STK32B: variants seen among roughly 807,000 people sequenced by gnomAD.
The protein encoded by STK32B is serine/threonine kinase 32B.
In STK32B, 43 loss-of-function variants were observed where a neutral mutation model predicts 52.6. The ratio of observed to expected loss-of-function variants is 0.82; its 90% CI spans 0.64 to 1.05. STK32B has a LOEUF of 1.05. Among genes scored for constraint, STK32B ranks in the 50% least tolerant of loss-of-function variants. The pLI, the probability that STK32B is intolerant of heterozygous loss-of-function variation, is 0.00. For missense variants in STK32B, 621 were observed against 534.6 expected (o/e 1.16, Z -1.59); for synonymous variants, 238 against 204.3 (o/e 1.17, Z -1.41).
At chr4:5,496,923 CA>C in intron 11 of STK32B, among the ~76,000 whole-genome samples, 1 of 151,806 alleles carries the variant, frequency 6.6e-6, no homozygotes, top group South Asian at 2.1e-4. Flanking sequence ...AAGTTTTGAA[CA>C]AAGAGGGTTT....
intron 4 of STK32B, among the ~76,000 whole-genome samples, chr4:5,369,266 CA>C (rs979400310): frequency 2.0e-5 from 3 of 151,822 alleles, no homozygotes; most frequent in African/African-American, 7.3e-5. Context: ...CTGGTTCCCC[CA>C]AAGATTTCAC....
intron 2 of STK32B, among the ~76,000 whole-genome samples, chr4:5,157,152 C>A (rs1717920198): frequency 6.6e-6 from 1 of 152,048 alleles, no homozygotes. Flanking sequence ...AAAATGTATT[C>A]TTTTAGAATC....
At position 5,245,317 on chromosome 4, in the gene STK32B, C is replaced by G. The variant is rs574104123; in HGVS notation, c.260+76867C>G. On this transcript the variant is annotated intron_variant, in intron 3 of 11. Transcript: ENST00000282908. ...TTAGTTCTTCGTGTTGAATTGATCC[C>G]TTTACCATTATGTAATGGCCTTCTT... is the stretch of plus-strand genomic sequence containing the variant. Among the ~76,000 whole-genome samples, 11 of 152,260 alleles carry G rather than the reference C, an allele frequency of 7.2e-5. No individual in the cohort carries two copies. In the South Asian group the frequency reaches 2.1e-3, roughly 29 times the overall value.
At position 5,396,943 on chromosome 4, in the gene STK32B, G is replaced by T. The variant is rs148033148; in HGVS notation, c.435-1264G>T. ...CTCTGCGGTAATCTCTTTGTTCACA[G>T]TGGAGGCTTTGTGACCTCGGCAGCA... On this transcript the variant is annotated intron_variant, in intron 4 of 11. Coordinates refer to ENST00000282908, the MANE Select transcript of STK32B (RefSeq NM_018401.3). This position sits in a 1 kb window ranked among gnomAD's most constrained non-coding sequence, Gnocchi z 4.7. 5.6e-4 allele frequency among the ~76,000 whole-genome samples: 85 copies of T among 152,292 alleles called. No individual in the cohort carries two copies. The highest frequency in any genetic ancestry group is 1.9e-3 in the African/African-American group (77 of 41,552).
At chr4:5,496,739 C>G (rs1241606644) in intron 11 of STK32B, among the ~76,000 whole-genome samples, 1 of 151,556 alleles carries the variant, frequency 6.6e-6, no homozygotes, top group Non-Finnish European at 1.5e-5. Flanking sequence ...CCTTGAAGAT[C>G]AAAATGTTGC....
intron 3 of STK32B, among the ~76,000 whole-genome samples, chr4:5,323,304 A>G (rs924130265): frequency 3.3e-5 from 5 of 151,886 alleles, no homozygotes; most frequent in Non-Finnish European, 5.9e-5. Flanking sequence ...GTCCCCCTCC[A>G]CCAGCCAGGC....
intron 3 of STK32B, among the ~76,000 whole-genome samples, chr4:5,216,893 T>C (rs1723213333): frequency 6.6e-6 from 1 of 152,210 alleles, no homozygotes; most frequent in Non-Finnish European, 1.5e-5. Flanking sequence ...TCATTGTAAG[T>C]ATAAGTGCAT....
intron 1 of STK32B, among the ~76,000 whole-genome samples, chr4:5,114,490 G>C (rs1377428869): frequency 1.3e-5 from 2 of 151,874 alleles, no homozygotes; most frequent in Admixed American, 6.6e-5. Flanking sequence ...ATTTCTCCTG[G>C]TGTCCCCAGA....
intron 6 of STK32B, among the ~76,000 whole-genome samples, chr4:5,428,333 G>A (rs143227442): frequency 0.02 from 3,066 of 152,038 alleles, 107 homozygotes; most frequent in African/African-American, 0.07. Context: ...GCGTGAACCC[G>A]GGAGGTGGAG....
At chr4:5,480,149 A>G (rs941603619) in intron 11 of STK32B, among the ~76,000 whole-genome samples, 4 of 152,226 alleles carry the variant, frequency 2.6e-5, no homozygotes, top group African/African-American at 9.6e-5. Context: ...AGACCGATAT[A>G]GTGCCATTCA....
chr4:5,129,698 A>G (rs1715632382), intron 1 of STK32B, among the ~76,000 whole-genome samples: 1 of 152,158 alleles, frequency 6.6e-6, no homozygotes, highest in South Asian at 2.1e-4. Flanking sequence ...TACCGCATTA[A>G]TCACCTTAAC....
At chr4:5,108,989 C>G (rs1714253454) in intron 1 of STK32B, among the ~76,000 whole-genome samples, 1 of 152,220 alleles carries the variant, frequency 6.6e-6, no homozygotes, top group African/African-American at 2.4e-5. Context: ...CAAGGCTGCA[C>G]TCTGTTACTG....
intron 3 of STK32B, among the ~76,000 whole-genome samples, chr4:5,171,309 T>A (rs954743034): frequency 2.0e-5 from 3 of 152,104 alleles, no homozygotes; most frequent in African/African-American, 7.2e-5. Flanking sequence ...CTCTTTAGTT[T>A]AATGAGATCC....
intron 3 of STK32B, among the ~76,000 whole-genome samples, chr4:5,194,230 A>G (rs1025037500): frequency 1.2e-4 from 18 of 152,182 alleles, no homozygotes; most frequent in African/African-American, 4.1e-4. Flanking sequence ...TCCTGTGTAT[A>G]TTGTTCTCTG....
rs1322285831 is a variant in STK32B, at chr4:5,394,987, G to A, written c.435-3220G>A. ...CAAAACTACAATCCACATGCCCACC[G>A]GGCTGCACTCCTTTCTGGAACATGG... On this transcript the variant is annotated intron_variant, in intron 4 of 11. Transcript: ENST00000282908. This position sits in a 1 kb window ranked among gnomAD's most constrained non-coding sequence, Gnocchi z 4.2. 6.6e-6 allele frequency among the ~76,000 whole-genome samples: 1 copy of A among 152,096 alleles called. No individual in the cohort carries two copies. The highest frequency in any genetic ancestry group is 2.4e-5 in the African/African-American group (1 of 41,422).
At chr4:5,250,640 A>G (rs1725862670) in intron 3 of STK32B, among the ~76,000 whole-genome samples, 1 of 152,146 alleles carries the variant, frequency 6.6e-6, no homozygotes, top group Non-Finnish European at 1.5e-5. Context: ...AAATTGCCAA[A>G]CTACTTTCCA....
chr4:5,199,806 C>A (rs1037757764), intron 3 of STK32B, among the ~76,000 whole-genome samples: 3 of 151,870 alleles, frequency 2.0e-5, no homozygotes, highest in Non-Finnish European at 4.4e-5. Flanking sequence ...CAAAACCCTG[C>A]CCTCTGCTCG....
intron 3 of STK32B, among the ~76,000 whole-genome samples, chr4:5,269,001 C>T (rs143383378): frequency 6.6e-6 from 1 of 152,138 alleles, no homozygotes; most frequent in East Asian, 1.9e-4. Context: ...CAGGTTGTGA[C>T]TCTGGAAGCA....
At chr4:5,040,909 A>G in the STK32B span, among the ~76,000 whole-genome samples, 2 of 152,202 alleles carry the variant, frequency 1.3e-5, no homozygotes, top group Non-Finnish European at 2.9e-5. Flanking sequence ...ACTGTAACAC[A>G]TTGGCAAGTA....
Sources: gnomAD v4.1 joint callset for allele counts (sites outside exome capture counted in the v4.1 genomes callset) on GRCh38, gnomAD v4.1.1 for gene constraint, Gnocchi (gnomAD v3.1) non-coding constraint, MANE v1.5 for transcripts, NCBI Gene and HGNC (gene_info 2026-07-23, HGNC 2026-07-21) for gene names.